The following CSMD1 variants were observed in gnomAD, a reference collection of about 807,000 sequenced individuals.
CSMD1 encodes the protein CUB and sushi domain-containing protein 1.
CSMD1 carries 213 observed loss-of-function variants against 417.5 expected under a neutral mutation model. The observed-to-expected ratio is 0.51, with a 90% CI of 0.46 to 0.57. CSMD1 has a LOEUF of 0.57. CSMD1 is among the 20% of genes least tolerant of loss of function. CSMD1 has a pLI of 0.00. For synonymous variants in CSMD1, 2,862 were observed against 1,736.8 expected (o/e 1.65, Z -16.11); for missense variants, 6,923 against 4,529.7 (o/e 1.53, Z -15.17).
At chr8:4,564,973 G>A (rs1372582317) in intron 2 of CSMD1, among the ~76,000 whole-genome samples, 10 of 152,136 alleles carry the variant, frequency 6.6e-5, no homozygotes, top group Admixed American at 2.0e-4. Flanking sequence ...GAATGTGGGT[G>A]CCTTGGCATG....
intron 2 of CSMD1, among the ~76,000 whole-genome samples, chr8:4,620,300 G>T (rs567495472): frequency 1.3e-5 from 2 of 151,292 alleles, no homozygotes; most frequent in East Asian, 3.9e-4. Flanking sequence ...ATATACATGT[G>T]TATACATATG....
chr8:4,036,649 C>T (rs1797632777), intron 3 of CSMD1, among the ~76,000 whole-genome samples: 1 of 152,188 alleles, frequency 6.6e-6, no homozygotes, highest in Non-Finnish European at 1.5e-5. Context: ...AACTAGACAT[C>T]AATGGAGAGC....
intron 1 of CSMD1, among the ~76,000 whole-genome samples, chr8:4,828,417 G>A (rs968582976): frequency 5.9e-5 from 9 of 152,090 alleles, no homozygotes; most frequent in African/African-American, 1.7e-4. Flanking sequence ...ACATAACCAC[G>A]CAAAGCAGGG....
intron 12 of CSMD1, among the ~76,000 whole-genome samples, chr8:3,440,729 G>C (rs548926312): frequency 9.9e-5 from 15 of 152,268 alleles, no homozygotes; most frequent in African/African-American, 3.6e-4. Flanking sequence ...TTACTCTTAG[G>C]GGGTAACATC....
intron 1 of CSMD1, among the ~76,000 whole-genome samples, chr8:4,820,332 C>T (rs1320487433): frequency 1.3e-5 from 2 of 152,140 alleles, no homozygotes; most frequent in East Asian, 3.9e-4. Context: ...TATTCAGAAG[C>T]ATTATAAAAA....
At chr8:3,544,308 T>A (rs1798566045) in intron 10 of CSMD1, among the ~76,000 whole-genome samples, 1 of 152,192 alleles carries the variant, frequency 6.6e-6, no homozygotes, top group African/African-American at 2.4e-5. Context: ...TAATATAGAT[T>A]CTTGCAAAAT....
intron 5 of CSMD1, among the ~76,000 whole-genome samples, chr8:3,895,349 A>C (rs1281486128): frequency 6.6e-6 from 1 of 152,174 alleles, no homozygotes; most frequent in African/African-American, 2.4e-5. Flanking sequence ...CAACTGAGAC[A>C]ATTTATAACA....
chr8:4,676,278 T>C lies in CSMD1; in HGVS notation c.86-38720A>G, dbSNP rs145442892. Among the ~76,000 whole-genome samples the C allele has an allele frequency of 5.5e-3, 843 of 152,254 alleles. 9 individuals carry two copies. The highest frequency in any genetic ancestry group is 0.018 in the African/African-American group (741 of 41,548). On this transcript the variant is annotated intron_variant, in intron 1 of 69. Transcript: ENST00000635120. ...CTTATGACACCCTCCCTCTATATAT[T>C]AAGATAAATTAGCCATGTTTCTCAT...
chr8:4,649,141 T>C (rs1378460741), intron 1 of CSMD1, among the ~76,000 whole-genome samples: 5 of 152,180 alleles, frequency 3.3e-5, no homozygotes, highest in African/African-American at 7.2e-5. Context: ...CTCAAGAAGA[T>C]AGTAATGCTC....
At chr8:3,354,263 T>C (rs1808596468) in intron 21 of CSMD1, among the ~76,000 whole-genome samples, 1 of 152,182 alleles carries the variant, frequency 6.6e-6, no homozygotes, top group South Asian at 2.1e-4. Flanking sequence ...ATACAATGCC[T>C]CACATTTAAC....
intron 10 of CSMD1, among the ~76,000 whole-genome samples, chr8:3,542,240 T>G (rs146281277): frequency 1.8e-4 from 27 of 152,328 alleles, no homozygotes; most frequent in African/African-American, 6.5e-4. Flanking sequence ...ATTTGTGACA[T>G]ACTGTCATAA....
intron 26 of CSMD1, among the ~76,000 whole-genome samples, chr8:3,235,086 T>C (rs1563168906): frequency 6.6e-6 from 1 of 152,200 alleles, no homozygotes; most frequent in Non-Finnish European, 1.5e-5. Flanking sequence ...TCACAGTTTA[T>C]ATAGGTTAAA....
intron 3 of CSMD1, among the ~76,000 whole-genome samples, chr8:4,068,356 G>A (rs914687669): frequency 1.3e-5 from 2 of 152,120 alleles, no homozygotes; most frequent in Non-Finnish European, 2.9e-5. Flanking sequence ...AAGCAGAGAG[G>A]GGATCTTATT....
chr8:4,171,833 T>TA (rs1432044197), intron 3 of CSMD1, among the ~76,000 whole-genome samples: 11 of 152,186 alleles, frequency 7.2e-5, no homozygotes, highest in African/African-American at 2.7e-4. Flanking sequence ...CCCAGTTTAA[T>TA]AAAAAATGCC....
At chr8:4,047,991 G>C (rs868727279) in intron 3 of CSMD1, among the ~76,000 whole-genome samples, 62 of 152,236 alleles carry the variant, frequency 4.1e-4, no homozygotes, top group African/African-American at 1.4e-3. Context: ...CATCCTGAGA[G>C]CTTTAAGTCT....
At chr8:3,923,627 T>C (rs775648341) in intron 5 of CSMD1, among the ~76,000 whole-genome samples, 8 of 152,188 alleles carry the variant, frequency 5.3e-5, no homozygotes, top group Non-Finnish European at 1.0e-4. Flanking sequence ...GGTTCAGTAA[T>C]TTTAACTCTA....
chr8:3,756,787 A>T (rs1797684381), intron 5 of CSMD1, among the ~76,000 whole-genome samples: 1 of 150,710 alleles, frequency 6.6e-6, no homozygotes, highest in South Asian at 2.1e-4. Flanking sequence ...TGACTGAAAA[A>T]ACCAGGTGGA....
At chr8:3,227,257 C>T (rs1322205239) in intron 27 of CSMD1, among the ~76,000 whole-genome samples, 4 of 151,878 alleles carry the variant, frequency 2.6e-5, no homozygotes, top group Non-Finnish European at 5.9e-5. Flanking sequence ...AAAAATTAGC[C>T]GGGCTTGGTG....
intron 5 of CSMD1, among the ~76,000 whole-genome samples, chr8:3,818,592 A>C (rs1801530969): frequency 1.3e-5 from 2 of 151,978 alleles, no homozygotes; most frequent in South Asian, 4.2e-4. Context: ...AAGAATGAGA[A>C]GTGCTAGAAA....
Sources: gnomAD v4.1 joint callset for allele counts (sites outside exome capture counted in the v4.1 genomes callset) on GRCh38, gnomAD v4.1.1 for gene constraint, MANE v1.5 for transcripts, NCBI Gene and HGNC (gene_info 2026-07-23, HGNC 2026-07-21) for gene names.